The following LDLRAD4 variants were observed in gnomAD, a reference collection of about 807,000 sequenced individuals.
LDLRAD4 encodes low density lipoprotein receptor class A domain containing 4, also known as low-density lipoprotein receptor class A domain-containing protein 4.
Under a neutral mutation model 17.0 loss-of-function variants are expected in LDLRAD4, and 5 were observed. The ratio of observed to expected loss-of-function variants is 0.29; its 90% CI spans 0.15 to 0.62. The LOEUF is 0.62. LDLRAD4 is among the 20% of genes least tolerant of loss of function. The pLI, the probability that LDLRAD4 is intolerant of heterozygous loss-of-function variation, is 0.84. For synonymous variants in LDLRAD4, 168 were observed against 171.8 expected (o/e 0.98, Z 0.17); for missense variants, 340 against 424.7 (o/e 0.80, Z 1.75).
chr18:13,470,274 A>G (rs2092732271), intron 3 of LDLRAD4, among the ~76,000 whole-genome samples: 1 of 152,144 alleles, frequency 6.6e-6, no homozygotes, highest in African/African-American at 2.4e-5. Flanking sequence ...ATAGAGAAAT[A>G]AGTGTTTCCT....
intron 2 of LDLRAD4, among the ~76,000 whole-genome samples, chr18:13,428,847 G>A (rs764697164): frequency 1.4e-4 from 22 of 152,152 alleles, no homozygotes; most frequent in Non-Finnish European, 2.2e-4. Context: ...GGAAAATGAG[G>A]TATTTGGCCT....
intron 1 of LDLRAD4, among the ~76,000 whole-genome samples, chr18:13,308,649 T>C (rs772184584): frequency 6.6e-6 from 1 of 152,252 alleles, no homozygotes; most frequent in Non-Finnish European, 1.5e-5. Flanking sequence ...TGCATTTCTT[T>C]TACTGGAAGG....
At chr18:13,359,538 C>T (rs2083538620) in intron 1 of LDLRAD4, among the ~76,000 whole-genome samples, 1 of 152,008 alleles carries the variant, frequency 6.6e-6, no homozygotes, top group African/African-American at 2.4e-5. Flanking sequence ...CATGTTCTTA[C>T]CTGCTAACTC....
chr18:13,446,129 C>T (rs974617069), intron 3 of LDLRAD4, among the ~76,000 whole-genome samples: 4 of 152,058 alleles, frequency 2.6e-5, no homozygotes, highest in African/African-American at 7.2e-5. Context: ...TGCTGTTTGC[C>T]GAGTGCTCAC....
At chr18:13,225,053 T>C (rs931327474) in intron 1 of LDLRAD4, among the ~76,000 whole-genome samples, 7 of 150,612 alleles carry the variant, frequency 4.6e-5, no homozygotes, top group African/African-American at 1.7e-4. Context: ...CCAGGCTGGT[T>C]TCTCACTCCT....
intron 1 of LDLRAD4, among the ~76,000 whole-genome samples, chr18:13,304,267 C>T (rs1043925094): frequency 2.0e-5 from 3 of 152,188 alleles, no homozygotes; most frequent in African/African-American, 7.2e-5. Context: ...AAGGTGGTTC[C>T]TCTGTAGAAT....
intron 2 of LDLRAD4, among the ~76,000 whole-genome samples, chr18:13,419,124 T>C (rs770632141): frequency 6.6e-6 from 1 of 152,226 alleles, no homozygotes; most frequent in Non-Finnish European, 1.5e-5. Flanking sequence ...AAATTTTTAG[T>C]TATACTTTGC....
chr18:13,450,742 A>C (rs77897163), intron 3 of LDLRAD4, among the ~76,000 whole-genome samples: 2,348 of 152,320 alleles, frequency 0.015, 29 homozygotes, highest in South Asian at 0.031. Flanking sequence ...GACAGAAGGA[A>C]CATCTTACTA....
intron 4 of LDLRAD4, among the ~76,000 whole-genome samples, chr18:13,635,006 A>T (rs758120317): frequency 5.3e-5 from 8 of 152,222 alleles, no homozygotes; most frequent in Non-Finnish European, 1.0e-4. Context: ...CAGAGTGGTG[A>T]TGGGGGATCT....
chr18:13,573,573 C>T (rs1369730861), intron 3 of LDLRAD4, among the ~76,000 whole-genome samples: 2 of 152,354 alleles, frequency 1.3e-5, no homozygotes, highest in East Asian at 3.9e-4. Flanking sequence ...CTTGATTCTC[C>T]TGTACAGTTT....
At chr18:13,465,849 G>C (rs552241038) in intron 3 of LDLRAD4, among the ~76,000 whole-genome samples, 46 of 152,268 alleles carry the variant, frequency 3.0e-4, no homozygotes, top group African/African-American at 1.1e-3. Context: ...AATGCTGTAA[G>C]TTAGGCCTCT....
chr18:13,476,615 A>C (rs8092257), intron 3 of LDLRAD4, among the ~76,000 whole-genome samples: 146,152 of 150,880 alleles, frequency 0.97, 70,984 homozygotes, highest in East Asian at 1. Flanking sequence ...CAGAGCAAGA[A>C]CCTGTCTCAA....
intron 3 of LDLRAD4, chr18:13,462,066 T>TG: frequency 6.6e-6 from 1 of 152,262 alleles, no homozygotes; most frequent in African/African-American, 2.4e-5. Context: ...TCCTGCCTCA[T>TG]GGGGTCACTG....
At chr18:13,558,487 A>G (rs1326871365) in intron 3 of LDLRAD4, among the ~76,000 whole-genome samples, 4 of 152,256 alleles carry the variant, frequency 2.6e-5, no homozygotes, top group Admixed American at 6.5e-5. Flanking sequence ...CTCATAAAGC[A>G]TTAAAGCAGT....
At chr18:13,543,789 A>G (rs1051056081) in intron 3 of LDLRAD4, among the ~76,000 whole-genome samples, 4 of 152,134 alleles carry the variant, frequency 2.6e-5, no homozygotes, top group African/African-American at 9.7e-5. Context: ...TGCCCTTGGG[A>G]AAGTCAGTGA....
chr18:13,430,472 C>T (rs2090256741), intron 2 of LDLRAD4, among the ~76,000 whole-genome samples: 1 of 152,192 alleles, frequency 6.6e-6, no homozygotes, highest in South Asian at 2.1e-4. Flanking sequence ...CTCAGCAAGG[C>T]ATACAAGGCT....
At position 13,226,180 on chromosome 18, in the gene LDLRAD4, C is replaced by CTTTTTTTTTTT. The variant is rs71174166; in HGVS notation, c.-467+7203_-467+7213dup. Among the ~76,000 whole-genome samples the CTTTTTTTTTTT allele has an allele frequency of 5.3e-3, 275 of 52,202 alleles. 85 individuals are homozygous for CTTTTTTTTTTT. The highest frequency in any genetic ancestry group is 0.011 in the African/African-American group (136 of 12,848). 34.2% of individuals were successfully genotyped at this position (52,202 alleles called of 152,430 possible). A position where few individuals can be genotyped will look rare whatever the true frequency, so the allele number is the denominator to read the frequency against. Reference sequence around the variant, plus strand: ...GGACTACAGATGCTGCCATGCCTTGCTTTTTTTTTTTTTTTTTTTTTGTAG... The same window carrying CTTTTTTTTTTT: ...GGACTACAGATGCTGCCATGCCTTGCTTTTTTTTTTTTTTTTTTTTTTTTTTTTTTTTGTAG... On this transcript the variant is annotated intron_variant, in intron 1 of 5. Transcript: ENST00000399848.
chr18:13,230,648 A>G (rs1256833503), intron 1 of LDLRAD4, among the ~76,000 whole-genome samples: 1 of 149,050 alleles, frequency 6.7e-6, no homozygotes, highest in East Asian at 2.0e-4. Context: ...AGGGCGGGCC[A>G]TGCATGGCTG....
chr18:13,258,120 C>G (rs776961294), intron 1 of LDLRAD4, among the ~76,000 whole-genome samples: 17 of 152,194 alleles, frequency 1.1e-4, no homozygotes, highest in Non-Finnish European at 2.2e-4. Flanking sequence ...TCTCCAATAT[C>G]TGGTTCCATT....
Sources: allele counts gnomAD v4.1 joint callset (sites outside exome capture counted in the v4.1 genomes callset), GRCh38; gene constraint gnomAD v4.1.1; transcripts MANE v1.5; gene names NCBI Gene and HGNC (gene_info 2026-07-23, HGNC 2026-07-21).